SLC25A31: variants seen among roughly 807,000 people sequenced by gnomAD.
SLC25A31 encodes ADP/ATP translocase 4.
In SLC25A31, 40 loss-of-function variants were observed where a neutral mutation model predicts 36.2. That is an observed-to-expected ratio of 1.10 (90% CI 0.86 to 1.44). SLC25A31 has a LOEUF of 1.44. SLC25A31 is among the 40% of genes most tolerant of loss of function. The pLI is 0.00. For synonymous variants in SLC25A31, 143 were observed against 149.7 expected, an observed-to-expected ratio of 0.96 and a Z score of 0.32; for missense variants, 350 against 397.1, an observed-to-expected ratio of 0.88 and a Z score of 1.01.
intron 2 of SLC25A31, among the ~76,000 whole-genome samples, chr4:127,752,617 G>T (rs1731956814): frequency 6.6e-6 from 1 of 151,754 alleles, no homozygotes; most frequent in East Asian, 1.9e-4. Flanking sequence ...AAGAGCAGAG[G>T]TGGCTATACT....
intron 2 of SLC25A31, among the ~76,000 whole-genome samples, chr4:127,747,420 G>C (rs748667882): frequency 6.6e-6 from 1 of 152,020 alleles, no homozygotes. Context: ...CCATTTGTTT[G>C]TGTCACCTCC....
chr4:127,772,193 C>G (rs757279697), intron 5 of SLC25A31, among the ~76,000 whole-genome samples: 21 of 152,086 alleles, frequency 1.4e-4, no homozygotes, highest in Non-Finnish European at 3.1e-4. Flanking sequence ...ACATGTAAAG[C>G]CTTTTGGACA....
chr4:127,761,328 G>A (rs557349311), intron 2 of SLC25A31, among the ~76,000 whole-genome samples: 2 of 152,248 alleles, frequency 1.3e-5, no homozygotes, highest in Non-Finnish European at 2.9e-5. Flanking sequence ...AAAAGATTAA[G>A]TAGAACTTAA....
In SLC25A31 at chr4:127,773,605, T is replaced by A. The variant is rs906051926; in HGVS notation, c.*31T>A. Reference sequence around the variant, plus strand: ...AGAGTAAATTAAGAAATACATGGATTTAACTTGTTAAACATACAAATTACA... The same window carrying A: ...AGAGTAAATTAAGAAATACATGGATATAACTTGTTAAACATACAAATTACA... On this transcript the variant is annotated 3_prime_UTR_variant, in exon 6 of 6. Coordinates refer to ENST00000281154, the MANE Select transcript of SLC25A31 (RefSeq NM_031291.4). 6 of 1,487,728 alleles carry A rather than the reference T, an allele frequency of 4.0e-6. No individual in the cohort carries two copies. In the Admixed American group the frequency reaches 8.7e-5, roughly 22 times the overall value. 92.2% of individuals were successfully genotyped at this position (1,487,728 alleles called of 1,614,324 possible).
rs1385983806 is a variant in SLC25A31 at position 127,768,965 on chromosome 4, GA to G, written c.759+91del. 1.3e-5 allele frequency: 16 copies of G among 1,242,904 alleles called. No homozygotes were observed. In the East Asian group the frequency reaches 3.6e-4, roughly 28 times the overall value. The allele number at this position is 1,242,904 out of a possible 1,614,324, so 77.0% of individuals were successfully genotyped here. A position where few individuals can be genotyped will look rare whatever the true frequency, so the allele number is the denominator to read the frequency against. The stretch of plus-strand genomic sequence containing the variant: ...ATCAAATTTAAGAGAAATGTTGGCT[GA>G]AAGGCATAAGTCATTTGTTTTACTT... On this transcript the variant is annotated intron_variant, in intron 5 of 5. Coordinates refer to ENST00000281154, the MANE Select transcript of SLC25A31 (RefSeq NM_031291.4).
chr4:127,765,237 C>T (rs1223498750), intron 3 of SLC25A31, among the ~76,000 whole-genome samples: 1 of 152,142 alleles, frequency 6.6e-6, no homozygotes, highest in African/African-American at 2.4e-5. Context: ...TGCTTTCATC[C>T]TGGAAGTAGT....
intron 2 of SLC25A31, among the ~76,000 whole-genome samples, chr4:127,748,510 C>T (rs1361425252): frequency 1.3e-5 from 2 of 152,176 alleles, no homozygotes; most frequent in Admixed American, 1.3e-4. Context: ...GGAAACCACA[C>T]CCATCAGCAC....
chr4:127,759,465 C>A (rs1012109537), intron 2 of SLC25A31, among the ~76,000 whole-genome samples: 4 of 152,112 alleles, frequency 2.6e-5, no homozygotes, highest in African/African-American at 9.7e-5. Context: ...ATTTCTTTCT[C>A]TTGCCTAATT....
At chr4:127,744,232 C>A (rs1326824644) in intron 1 of SLC25A31, among the ~76,000 whole-genome samples, 1 of 152,166 alleles carries the variant, frequency 6.6e-6, no homozygotes. Flanking sequence ...ACTTTAGATT[C>A]TTTTATCCTG....
At position 127,731,949 on chromosome 4, in the gene SLC25A31, C is replaced by A. The variant is rs184572629; in HGVS notation, c.232+1172C>A. Among the ~76,000 whole-genome samples, 10 of 152,166 alleles carry A rather than the reference C, an allele frequency of 6.6e-5. No homozygotes were observed. The East Asian group carries it at 1.9e-3, about 29-fold the overall frequency. On this transcript the variant is annotated intron_variant, in intron 1 of 5. Coordinates refer to ENST00000281154, the MANE Select transcript of SLC25A31 (RefSeq NM_031291.4). ...TTTTTCTTTTTGCATCAAGCACTGT[C>A]CTTATTTAAAATTTCATTTTTGTTC...
intron 1 of SLC25A31, among the ~76,000 whole-genome samples, chr4:127,731,820 T>C (rs1282948775): frequency 6.6e-6 from 1 of 152,112 alleles, no homozygotes; most frequent in East Asian, 1.9e-4. Context: ...AAAAAAACTT[T>C]AAACTATTTT....
Position 127,763,562 on chromosome 4 carries a change from T to C in SLC25A31, c.361-681T>C, listed in dbSNP as rs115303135. 9.9e-3 allele frequency among the ~76,000 whole-genome samples: 1,503 copies of C among 152,292 alleles called. 28 individuals are homozygous for C. The highest frequency in any genetic ancestry group is 0.034 in the African/African-American group (1,418 of 41,552). On this transcript the variant is annotated intron_variant, in intron 2 of 5. Coordinates refer to ENST00000281154, the MANE Select transcript of SLC25A31 (RefSeq NM_031291.4). Reference sequence around the variant, plus strand: ...ACCTGGGGAGGGCACATTTTAAATGTTGATCAAAAGTAATTATACTTCTTC... The same window carrying C: ...ACCTGGGGAGGGCACATTTTAAATGCTGATCAAAAGTAATTATACTTCTTC...
chr4:127,771,724 T>C (rs1269413457), intron 5 of SLC25A31, among the ~76,000 whole-genome samples: 3 of 152,214 alleles, frequency 2.0e-5, no homozygotes, highest in East Asian at 1.9e-4. Flanking sequence ...TAATTTAATA[T>C]TAACTGTGGG....
chr4:127,767,804 T>C (rs771821076), intron 4 of SLC25A31, among the ~76,000 whole-genome samples: 4 of 152,070 alleles, frequency 2.6e-5, no homozygotes, highest in Non-Finnish European at 5.9e-5. Flanking sequence ...TATTACCTAG[T>C]TCTAGGAAAC....
chr4:127,762,319 A>G (rs1198754454), intron 2 of SLC25A31, among the ~76,000 whole-genome samples: 2 of 152,222 alleles, frequency 1.3e-5, no homozygotes, highest in Admixed American at 6.5e-5. Flanking sequence ...GAAGGAAACC[A>G]GTCAAAAAAG....
intron 1 of SLC25A31, among the ~76,000 whole-genome samples, chr4:127,733,584 C>T (rs751493372): frequency 6.6e-6 from 1 of 152,136 alleles, no homozygotes; most frequent in South Asian, 2.1e-4. Flanking sequence ...ACAACTGAAT[C>T]GTTATAAGTA....
At chr4:127,747,683 C>G (rs1014976778) in intron 2 of SLC25A31, among the ~76,000 whole-genome samples, 2 of 152,062 alleles carry the variant, frequency 1.3e-5, no homozygotes, top group Admixed American at 6.6e-5. Context: ...TAGCATAGTA[C>G]CTTGCTTTTA....
intron 1 of SLC25A31, among the ~76,000 whole-genome samples, chr4:127,740,726 A>C (rs1038726170): frequency 1.3e-5 from 2 of 152,160 alleles, no homozygotes; most frequent in African/African-American, 4.8e-5. Context: ...GGCCTCCTCC[A>C]CACAGATCTC....
Position 127,773,723 on chromosome 4 carries a change from T to A in SLC25A31, c.*149T>A. On this transcript the variant is annotated 3_prime_UTR_variant, in exon 6 of 6. Coordinates refer to ENST00000281154, the MANE Select transcript of SLC25A31 (RefSeq NM_031291.4). Reference sequence around the variant, plus strand: ...TAAAGCATACATTTTTTCAAGAATTTAAATACTAAAAATCAGATAAATGTG... The same window carrying A: ...TAAAGCATACATTTTTTCAAGAATTAAAATACTAAAAATCAGATAAATGTG... 1.7e-6 allele frequency: 1 copy of A among 571,836 alleles called. No individual in the cohort carries two copies. The highest frequency in any genetic ancestry group is 2.7e-6 in the Non-Finnish European group (1 of 366,208). The allele number at this position is 571,836 out of a possible 1,614,324, so 35.4% of individuals were successfully genotyped here.
Sources: gnomAD v4.1 joint callset for allele counts (sites outside exome capture counted in the v4.1 genomes callset) on GRCh38, gnomAD v4.1.1 for gene constraint, MANE v1.5 for transcripts, NCBI Gene and HGNC (gene_info 2026-07-23, HGNC 2026-07-21) for gene names.